Variants in FBXL7 observed in about 807,000 individuals in gnomAD.
FBXL7 encodes F-box/LRR-repeat protein 7.
In FBXL7, 12 loss-of-function variants were observed where a neutral mutation model predicts 38.3. The ratio of observed to expected loss-of-function variants is 0.31; its 90% confidence interval spans 0.20 to 0.51. FBXL7 has a LOEUF of 0.51. FBXL7 is among the 20% of genes least tolerant of loss of function. The pLI is 0.98. For missense variants in FBXL7, 567 were observed against 676.4 expected, an observed-to-expected ratio of 0.84 and a Z score of 1.79; for synonymous variants, 297 against 300.9, an observed-to-expected ratio of 0.99 and a Z score of 0.13.
At chr5:15,935,101 C>T (rs1046685996) in intron 3 of FBXL7, 1 of 527,514 alleles carries the variant, frequency 1.9e-6, no homozygotes, top group Admixed American at 1.9e-5. Flanking sequence ...GGCTGGAGAG[C>T]ATTTGTGGTG....
At chr5:15,677,386 G>T (rs563715873) in intron 2 of FBXL7, among the ~76,000 whole-genome samples, 1 of 151,980 alleles carries the variant, frequency 6.6e-6, no homozygotes, top group Admixed American at 6.6e-5. Context: ...ATAATTGCTC[G>T]AACCCAGGAA....
In FBXL7 at chr5:15,918,768, G is replaced by A. The variant is rs151038409; in HGVS notation, c.128-9122G>A. Among the ~76,000 whole-genome samples the A allele has an allele frequency of 4.5e-3, 688 of 152,320 alleles. 6 individuals are homozygous for A. Among genetic ancestry groups the A allele is most frequent in the African/African-American group, 0.016 (660 of 41,564 alleles). On this transcript the variant is annotated intron_variant, in intron 2 of 3. Transcript: ENST00000504595. Reference sequence around the variant, plus strand: ...CTGGTCCATGTGACCAAGAAAGCAGGTCTTTTGTCCTTGGACAGGAGTCTC... The same window carrying A: ...CTGGTCCATGTGACCAAGAAAGCAGATCTTTTGTCCTTGGACAGGAGTCTC...
chr5:15,903,903 G>A (rs1322791231), intron 2 of FBXL7, among the ~76,000 whole-genome samples: 1 of 152,046 alleles, frequency 6.6e-6, no homozygotes, highest in Non-Finnish European at 1.5e-5. Context: ...TGTAGTTAAT[G>A]GCTTTCTTTT....
intron 2 of FBXL7, among the ~76,000 whole-genome samples, chr5:15,759,623 AC>A (rs1419331452): frequency 6.6e-6 from 1 of 152,178 alleles, no homozygotes; most frequent in Non-Finnish European, 1.5e-5. Flanking sequence ...ATCTATTAAG[AC>A]CCACAATCAT....
intron 2 of FBXL7, among the ~76,000 whole-genome samples, chr5:15,740,842 C>G (rs11958262): frequency 0.54 from 81,958 of 151,996 alleles, 22,586 homozygotes; most frequent in East Asian, 0.74. Flanking sequence ...GACATAGGCA[C>G]AGTTGTCAGA....
At chr5:15,809,240 A>G (rs1443258835) in intron 2 of FBXL7, among the ~76,000 whole-genome samples, 2 of 152,158 alleles carry the variant, frequency 1.3e-5, no homozygotes, top group African/African-American at 4.8e-5. Flanking sequence ...TTGAACGTTG[A>G]ACTTTGGGAT....
chr5:15,880,721 T>TTATATATATA (rs3034531), intron 2 of FBXL7, among the ~76,000 whole-genome samples: 2,014 of 143,326 alleles, frequency 0.014, 103 homozygotes, highest in Admixed American at 0.1. Context: ...ATATACTATA[T>TTATATATATA]TATATATATA....
chr5:15,692,998 T>C (rs914700291), intron 2 of FBXL7, among the ~76,000 whole-genome samples: 1 of 152,264 alleles, frequency 6.6e-6, no homozygotes, highest in East Asian at 1.9e-4. Flanking sequence ...GTAATGCTGC[T>C]TAAACAAAAC....
intron 2 of FBXL7, among the ~76,000 whole-genome samples, chr5:15,721,374 G>A (rs1744189939): frequency 1.3e-5 from 2 of 152,106 alleles, no homozygotes; most frequent in East Asian, 1.9e-4. Flanking sequence ...AGAGTTATGA[G>A]ATCTAAAGGT....
intron 2 of FBXL7, among the ~76,000 whole-genome samples, chr5:15,882,457 T>C (rs1740496264): frequency 6.6e-6 from 1 of 152,168 alleles, no homozygotes; most frequent in Non-Finnish European, 1.5e-5. Flanking sequence ...TAGAGCTTTC[T>C]CTGGGTAGCT....
chr5:15,604,000 A>T (rs1739903813), intron 1 of FBXL7, among the ~76,000 whole-genome samples: 1 of 152,120 alleles, frequency 6.6e-6, no homozygotes, highest in Admixed American at 6.5e-5. Flanking sequence ...AGCTGGGCAT[A>T]AGGTGCATGC....
At chr5:15,817,730 G>GCACCT (rs1339543625) in intron 2 of FBXL7, among the ~76,000 whole-genome samples, 2 of 152,132 alleles carry the variant, frequency 1.3e-5, no homozygotes, top group Non-Finnish European at 2.9e-5. Flanking sequence ...ACATGCCTTT[G>GCACCT]CACCTCCTTC....
rs994021360 is a variant in FBXL7 at position 15,798,375 on chromosome 5, C to T, written c.128-129515C>T. On this transcript the variant is annotated intron_variant, in intron 2 of 3. Coordinates refer to ENST00000504595, the MANE Select transcript of FBXL7 (RefSeq NM_012304.5). ...ATGCATTTCTTTTCCTCCAGTTTCC[C>T]CTTTTCTTTGGATTAATTTAACTTC... Among the ~76,000 whole-genome samples, 3 of 152,310 alleles carry T rather than the reference C, an allele frequency of 2.0e-5. No individual in the cohort carries two copies. In the East Asian group the frequency reaches 5.8e-4, roughly 29 times the overall value.
rs527297835 is a variant in FBXL7, at chr5:15,523,523, C to T, written c.37+22810C>T. On this transcript the variant is annotated intron_variant, in intron 1 of 3. Coordinates refer to ENST00000504595, the MANE Select transcript of FBXL7 (RefSeq NM_012304.5). ...GCAGTGAGCTGTGATTGCACCACTG[C>T]GCTCCAGCCTGGGCAGCAGAATGAG... is the stretch of plus-strand genomic sequence containing the variant. 4.6e-5 allele frequency among the ~76,000 whole-genome samples: 7 copies of T among 151,314 alleles called. No homozygotes were observed. In the East Asian group the frequency reaches 7.8e-4, roughly 17 times the overall value.
chr5:15,587,697 A>C (rs1739343548), intron 1 of FBXL7, among the ~76,000 whole-genome samples: 1 of 152,232 alleles, frequency 6.6e-6, no homozygotes, highest in Admixed American at 6.5e-5. Flanking sequence ...AAAGCTATTA[A>C]GAGATGAAAA....
At chr5:15,621,815 A>G (rs1740654677) in intron 2 of FBXL7, among the ~76,000 whole-genome samples, 1 of 152,254 alleles carries the variant, frequency 6.6e-6, no homozygotes, top group Admixed American at 6.5e-5. Flanking sequence ...TCTTGGTTCT[A>G]CACATTGGTT....
At chr5:15,808,528 T>C (rs1291568326) in intron 2 of FBXL7, among the ~76,000 whole-genome samples, 1 of 152,180 alleles carries the variant, frequency 6.6e-6, no homozygotes, top group Admixed American at 6.5e-5. Context: ...TGTATCCTGA[T>C]AACAAGTTTT....
intron 2 of FBXL7, among the ~76,000 whole-genome samples, chr5:15,735,896 G>A (rs1735736195): frequency 6.6e-6 from 1 of 152,182 alleles, no homozygotes; most frequent in Non-Finnish European, 1.5e-5. Flanking sequence ...AGGATTAAAG[G>A]CTGTTGGGTT....
intron 2 of FBXL7, among the ~76,000 whole-genome samples, chr5:15,645,564 A>G (rs1050480430): frequency 4.6e-5 from 7 of 152,110 alleles, no homozygotes; most frequent in African/African-American, 1.7e-4. Context: ...CTGTGCCCCA[A>G]CTACCGTGGG....
Sources: allele counts gnomAD v4.1 joint callset (sites outside exome capture counted in the v4.1 genomes callset), GRCh38; gene constraint gnomAD v4.1.1; transcripts MANE v1.5; gene names NCBI Gene and HGNC (gene_info 2026-07-23, HGNC 2026-07-21).